Variants in BAZ2B observed in about 807,000 individuals in gnomAD.
The protein encoded by BAZ2B is bromodomain adjacent to zinc finger domain protein 2B.
A neutral mutation model predicts 246.0 loss-of-function variants in BAZ2B; 91 were observed. That is an observed-to-expected ratio of 0.37 (90% confidence interval 0.31 to 0.44). The LOEUF is 0.44. BAZ2B is among the 20% of genes least tolerant of loss of function. The probability of loss-of-function intolerance (pLI) is 1.00; values close to 1 mark genes in which losing one functional copy is unlikely to be tolerated. For missense variants in BAZ2B, 2,332 were observed against 2,533.7 expected (o/e 0.92, Z 1.71); for synonymous variants, 855 against 860.0 (o/e 0.99, Z 0.10).
the BAZ2B span, among the ~76,000 whole-genome samples, chr2:159,652,509 C>T: frequency 2.0e-5 from 3 of 152,046 alleles, no homozygotes; most frequent in Non-Finnish European, 2.9e-5. Flanking sequence ...CGCGCCTGGC[C>T]ACTGTCTATC....
chr2:159,488,575 A>C lies in BAZ2B; in HGVS notation c.-2-9854T>G, dbSNP rs569205448. Among the ~76,000 whole-genome samples, 11 of 152,352 alleles carry C rather than the reference A, an allele frequency of 7.2e-5. No individual in the cohort carries two copies. The South Asian group carries it at 8.3e-4, about 11-fold the overall frequency. ...CACCAAAATGTTAACGATGGTTCTC[A>C]GAATGGTGAAATTATAAATGACTAA... On this transcript the variant is annotated intron_variant, in intron 2 of 36. Coordinates refer to ENST00000392783, the MANE Select transcript of BAZ2B (RefSeq NM_013450.4).
At chr2:159,571,882 G>T (rs1450769148) in intron 1 of BAZ2B, among the ~76,000 whole-genome samples, 1 of 152,100 alleles carries the variant, frequency 6.6e-6, no homozygotes, top group African/African-American at 2.4e-5. Flanking sequence ...CCACTTCCCA[G>T]GTAAGTGCAT....
intron 2 of BAZ2B, among the ~76,000 whole-genome samples, chr2:159,519,730 C>A (rs1389497752): frequency 3.2e-5 from 4 of 123,402 alleles, no homozygotes; most frequent in African/African-American, 1.2e-4. Context: ...TGCAGTGCGG[C>A]GGTGCGATCT....
At chr2:159,372,528 A>G (rs1004180462) in intron 27 of BAZ2B, among the ~76,000 whole-genome samples, 1 of 152,246 alleles carries the variant, frequency 6.6e-6, no homozygotes, top group Non-Finnish European at 1.5e-5. Context: ...TAAAGGTAGA[A>G]TATCATGAAT....
chr2:159,648,033 C>T, the BAZ2B span, among the ~76,000 whole-genome samples: 3 of 152,062 alleles, frequency 2.0e-5, no homozygotes, highest in African/African-American at 7.2e-5. Context: ...TTTTGTCACA[C>T]GTATGTATAT....
intron 2 of BAZ2B, among the ~76,000 whole-genome samples, chr2:159,506,890 G>C (rs935304842): frequency 6.6e-6 from 1 of 152,156 alleles, no homozygotes; most frequent in African/African-American, 2.4e-5. Context: ...TCAAGCAAGA[G>C]AATCTAACAA....
chr2:159,326,038 G>A, intron 34 of BAZ2B, 120 bp from the exon 35 acceptor site: 2 of 818,940 alleles, frequency 2.4e-6, no homozygotes, highest in East Asian at 6.2e-5. Flanking sequence ...GATCTAGAAT[G>A]TTGATAACTA....
chr2:159,605,038 G>C (rs1693132627), intron 1 of BAZ2B, among the ~76,000 whole-genome samples: 1 of 150,344 alleles, frequency 6.7e-6, no homozygotes, highest in Admixed American at 6.6e-5. Context: ...ACAGGAGAGA[G>C]AAAGAGAGAG....
At chr2:159,551,430 C>G (rs1404110288) in intron 2 of BAZ2B, among the ~76,000 whole-genome samples, 1 of 139,930 alleles carries the variant, frequency 7.1e-6, no homozygotes, top group African/African-American at 2.7e-5. Flanking sequence ...GACTACACCA[C>G]TGCACTCCAG....
intron 27 of BAZ2B, among the ~76,000 whole-genome samples, chr2:159,351,207 A>C (rs1470140554): frequency 6.6e-6 from 1 of 152,194 alleles, no homozygotes; most frequent in Non-Finnish European, 1.5e-5. Flanking sequence ...CCACATAATT[A>C]AGGAAAGAAA....
rs540105055 is a variant in BAZ2B, at chr2:159,532,401, C to T, written c.-3+23422G>A. 3.9e-5 allele frequency among the ~76,000 whole-genome samples: 6 copies of T among 152,116 alleles called. No individual in the cohort carries two copies. The East Asian group carries it at 9.7e-4, about 24-fold the overall frequency. The stretch of plus-strand genomic sequence containing the variant: ...TTTATCTGAAAGTAAATGTTCTCTA[C>T]CAAATAAATAAAAAATGAATTAAGG... On this transcript the variant is annotated intron_variant, in intron 2 of 36. Transcript: ENST00000392783.
intron 13 of BAZ2B, among the ~76,000 whole-genome samples, chr2:159,427,003 T>C (rs548303760): frequency 6.6e-6 from 1 of 152,286 alleles, no homozygotes; most frequent in Admixed American, 6.5e-5. Flanking sequence ...CATTTTAGCC[T>C]TTTGAAACAT....
At chr2:159,369,550 G>A in intron 27 of BAZ2B, among the ~76,000 whole-genome samples, 1 of 82,514 alleles carries the variant, frequency 1.2e-5, no homozygotes, top group East Asian at 3.6e-4. Context: ...ACTGATTTCA[G>A]TAGTGTTGCA....
the BAZ2B span, among the ~76,000 whole-genome samples, chr2:159,680,639 T>C: frequency 1.3e-5 from 2 of 152,140 alleles, no homozygotes; most frequent in African/African-American, 4.8e-5. Context: ...GCTCACTAAA[T>C]ATGCTGTATG....
At chr2:159,440,761 G>C (rs763690923) in intron 6 of BAZ2B, among the ~76,000 whole-genome samples, 1 of 151,868 alleles carries the variant, frequency 6.6e-6, no homozygotes, top group Non-Finnish European at 1.5e-5. Context: ...CACCCGCCTC[G>C]GCCTCCCAAA....
In BAZ2B at chr2:159,478,710, C is replaced by T; in HGVS notation, c.10G>A (p.Gly4Arg). The T allele has an allele frequency of 1.9e-6, 3 of 1,584,696 alleles. No individual in the cohort carries two copies. Among genetic ancestry groups the T allele is most frequent in the African/African-American group, 2.7e-5 (2 of 73,734 alleles). Residue 4 changes from glycine (G) to arginine (R), a missense_variant, in exon 3 of 37, where the codon GGA becomes AGA. Transcript: ENST00000392783. Reference sequence around the variant, plus strand: ...GCTGCTGAGGATGGTAACCGTTCTCCAGACTCCATATCTATGAGAAGGGAA... The same window carrying T: ...GCTGCTGAGGATGGTAACCGTTCTCTAGACTCCATATCTATGAGAAGGGAA... MES[G>R]ERLPSSAASS...
At chr2:159,662,512 T>TTTTG in the BAZ2B span, among the ~76,000 whole-genome samples, 4 of 152,090 alleles carry the variant, frequency 2.6e-5, no homozygotes, top group Admixed American at 6.6e-5. Flanking sequence ...TGTTTTTTAC[T>TTTTG]TTTGTTTGTT....
intron 3 of BAZ2B, among the ~76,000 whole-genome samples, chr2:159,469,049 C>CAA (rs560336551): frequency 3.5e-4 from 22 of 62,550 alleles, no homozygotes; most frequent in African/African-American, 7.3e-4. Context: ...GACTCTGTCT[C>CAA]AAAAAAAAAA....
In BAZ2B at chr2:159,386,346, T is replaced by C; in HGVS notation, c.3471+7A>G. On this transcript the variant is annotated splice_region_variant and intron_variant, in intron 22 of 36. Transcript: ENST00000392783. ...TTTAAAACATTTTATATTTTGTTTT[T>C]TTTTACCTTGTATCCTGTTATTAGA... The C allele has an allele frequency of 6.2e-7, 1 of 1,600,142 alleles. No homozygotes were observed. The highest frequency in any genetic ancestry group is 8.5e-7 in the Non-Finnish European group (1 of 1,175,236).
Sources: gnomAD v4.1 joint callset for allele counts (sites outside exome capture counted in the v4.1 genomes callset) on GRCh38, gnomAD v4.1.1 for gene constraint, MANE v1.5 for transcripts, NCBI Gene and HGNC (gene_info 2026-07-23, HGNC 2026-07-21) for gene names.